ARMC9: variants seen among roughly 807,000 people sequenced by gnomAD.
ARMC9 encodes the protein lisH domain-containing protein ARMC9.
In ARMC9, 94 loss-of-function variants were observed where a neutral mutation model predicts 107.0. The ratio of observed to expected loss-of-function variants is 0.88; its 90% confidence interval spans 0.74 to 1.04. ARMC9 has a LOEUF of 1.04. Among genes scored for constraint, ARMC9 ranks in the 50% least tolerant of loss-of-function variants. ARMC9 has a pLI of 0.00. For synonymous variants in ARMC9, 380 were observed against 396.9 expected, an observed-to-expected ratio of 0.96 and a Z score of 0.51; for missense variants, 942 against 1,030.1, an observed-to-expected ratio of 0.91 and a Z score of 1.17.
chr2:231,359,763 G>A lies in ARMC9; in HGVS notation c.2132-991G>A, dbSNP rs185154394. Among the ~76,000 whole-genome samples, 8 of 152,282 alleles carry A rather than the reference G, an allele frequency of 5.3e-5. No homozygotes were observed. The East Asian group carries it at 1.5e-3, about 29-fold the overall frequency. ...CTCCTGTCCTGAAGCTCTATTTCTA[G>A]ACCCAGATCCAGGTGGAGACCGCCC... On this transcript the variant is annotated intron_variant, in intron 22 of 24. Coordinates refer to ENST00000611582, the MANE Select transcript of ARMC9 (RefSeq NM_001352754.2).
chr2:231,302,040 G>A (rs2041765074), intron 19 of ARMC9, among the ~76,000 whole-genome samples: 1 of 151,920 alleles, frequency 6.6e-6, no homozygotes, highest in African/African-American at 2.4e-5. Flanking sequence ...TCCTGGTTAA[G>A]GTCTTCCCTA....
At chr2:231,214,726 C>T in intron 3 of ARMC9, 105 bp from the exon 4 acceptor site, 1 of 1,188,678 alleles carries the variant, frequency 8.4e-7, no homozygotes, top group Admixed American at 2.3e-5. Flanking sequence ...CTATCCTTTA[C>T]CACTGAAAAG....
At chr2:231,243,655 A>G (rs2036504181) in intron 9 of ARMC9, among the ~76,000 whole-genome samples, 1 of 152,252 alleles carries the variant, frequency 6.6e-6, no homozygotes, top group South Asian at 2.1e-4. Flanking sequence ...TCATTGGCTT[A>G]GGAACACGCA....
intron 19 of ARMC9, among the ~76,000 whole-genome samples, chr2:231,312,540 GAACA>G: frequency 6.6e-6 from 1 of 151,820 alleles, no homozygotes; most frequent in South Asian, 2.1e-4. Flanking sequence ...ATTCTTCTCC[GAACA>G]AACCGTTTGA....
rs1248797508 is a variant in ARMC9, at chr2:231,280,528, C to T, written c.1552-1531C>T. ...AATGACATATATATATACATATATA[C>T]ATACATACATACATATATACTTTAG... is the stretch of plus-strand genomic sequence containing the variant. On this transcript the variant is annotated intron_variant, in intron 16 of 24. Coordinates refer to ENST00000611582, the MANE Select transcript of ARMC9 (RefSeq NM_001352754.2). Among the ~76,000 whole-genome samples, 8 of 152,042 alleles carry T rather than the reference C, an allele frequency of 5.3e-5. No individual in the cohort carries two copies. The East Asian group carries it at 7.7e-4, about 15-fold the overall frequency.
chr2:231,337,393 G>A (rs1300977487), intron 20 of ARMC9, among the ~76,000 whole-genome samples: 2 of 143,086 alleles, frequency 1.4e-5, no homozygotes, highest in African/African-American at 5.2e-5. Flanking sequence ...CGCCTCCCAG[G>A]TTCGAGGATT....
chr2:231,259,868 C>T (rs1396084052), intron 11 of ARMC9, among the ~76,000 whole-genome samples: 11 of 152,032 alleles, frequency 7.2e-5, no homozygotes, highest in East Asian at 3.9e-4. Context: ...TGAGGGCAGG[C>T]GCCTGTAGTC....
intron 19 of ARMC9, among the ~76,000 whole-genome samples, chr2:231,314,622 T>A (rs1265926955): frequency 6.6e-6 from 1 of 152,222 alleles, no homozygotes; most frequent in Non-Finnish European, 1.5e-5. Context: ...CATTAGATGC[T>A]AGTATTAATC....
At chr2:231,240,142 C>A in intron 9 of ARMC9, 101 bp downstream of exon 9, 1 of 1,020,858 alleles carries the variant, frequency 9.8e-7, no homozygotes, top group Non-Finnish European at 1.5e-6. Context: ...ATGCAAGAGG[C>A]TGCATTTAAG....
intron 23 of ARMC9, among the ~76,000 whole-genome samples, chr2:231,366,147 CAG>C (rs1491373434): frequency 5.3e-5 from 8 of 152,306 alleles, no homozygotes; most frequent in African/African-American, 1.9e-4. Context: ...GCTGGAGAGT[CAG>C]GGGAGAGTTG....
chr2:231,323,376 C>A (rs928240607), intron 19 of ARMC9, among the ~76,000 whole-genome samples: 1 of 152,200 alleles, frequency 6.6e-6, no homozygotes, highest in African/African-American at 2.4e-5. Flanking sequence ...GGAGCAAGCG[C>A]CTGCTATCAG....
chr2:231,327,116 A>G (rs964342072), intron 19 of ARMC9, among the ~76,000 whole-genome samples: 9 of 152,200 alleles, frequency 5.9e-5, no homozygotes, highest in African/African-American at 1.7e-4. Context: ...TTTAACCTGC[A>G]AAGGACAGTC....
At chr2:231,339,877 G>A (rs1018474981) in intron 20 of ARMC9, among the ~76,000 whole-genome samples, 7 of 152,180 alleles carry the variant, frequency 4.6e-5, no homozygotes, top group South Asian at 2.1e-4. Context: ...AGGTTGCAGC[G>A]GGCCAAAATC....
intron 23 of ARMC9, among the ~76,000 whole-genome samples, chr2:231,369,664 T>C (rs2045941052): frequency 6.6e-6 from 1 of 151,842 alleles, no homozygotes; most frequent in African/African-American, 2.4e-5. Flanking sequence ...CAGTGCCGTC[T>C]TGGCTCACTG....
chr2:231,239,188 G>A (rs1340678218), intron 8 of ARMC9, among the ~76,000 whole-genome samples: 1 of 152,148 alleles, frequency 6.6e-6, no homozygotes, highest in Non-Finnish European at 1.5e-5. Context: ...TGTGGTACTT[G>A]TACATTGAAA....
chr2:231,340,181 A>G (rs2044410739), intron 20 of ARMC9, among the ~76,000 whole-genome samples: 1 of 152,204 alleles, frequency 6.6e-6, no homozygotes, highest in South Asian at 2.1e-4. Flanking sequence ...TTACCAAATT[A>G]TATGGGGAGG....
chr2:231,368,620 GTGATACAAAAAT>G, intron 23 of ARMC9, among the ~76,000 whole-genome samples: 1 of 152,106 alleles, frequency 6.6e-6, no homozygotes, highest in Non-Finnish European at 1.5e-5. Context: ...AGTGTTATGA[GTGATACAAAAAT>G]TTTATTTTTT....
At chr2:231,282,184 CA>C (rs2040267640) in intron 17 of ARMC9, 51 bp downstream of exon 17, 2 of 1,584,252 alleles carry the variant, frequency 1.3e-6, no homozygotes, top group African/African-American at 2.7e-5. Context: ...TGCCACAGTT[CA>C]GAGCTTTTAG....
Position 231,282,150 on chromosome 2 carries a change from G to C in ARMC9, c.1626+17G>C, listed in dbSNP as rs2040263127. 1.9e-6 allele frequency: 3 copies of C among 1,613,168 alleles called. No homozygotes were observed. The highest frequency in any genetic ancestry group is 2.5e-6 in the Non-Finnish European group (3 of 1,179,134). ...AGAGCAATGGTAAGAAAGCGTGCCT[G>C]AGAAACATGTGAGCTTCCTTTAGTG... is the stretch of plus-strand genomic sequence containing the variant. On this transcript the variant is annotated intron_variant, in intron 17 of 24. Transcript: ENST00000611582.
Sources: allele counts gnomAD v4.1 joint callset (sites outside exome capture counted in the v4.1 genomes callset), GRCh38; gene constraint gnomAD v4.1.1; transcripts MANE v1.5; gene names NCBI Gene and HGNC (gene_info 2026-07-23, HGNC 2026-07-21).